The following ATM variants were observed in gnomAD, a reference collection of about 807,000 sequenced individuals.
The protein encoded by ATM is serine-protein kinase ATM.
ATM carries 308 observed loss-of-function variants against 387.0 expected under a neutral mutation model. The ratio of observed to expected loss-of-function variants is 0.80; its 90% CI spans 0.73 to 0.87. The LOEUF (loss-of-function observed/expected upper bound fraction) is 0.87. Ranked by LOEUF, ATM falls within the 40% of genes least tolerant of loss-of-function variation. ATM has a pLI of 0.00. For synonymous variants in ATM, 1,156 were observed against 1,187.3 expected (o/e 0.97, Z 0.54); for missense variants, 3,312 against 3,560.9 (o/e 0.93, Z 1.78).
intron 59 of ATM, among the ~76,000 whole-genome samples, chr11:108,351,638 C>T (rs562303555): frequency 2.0e-5 from 3 of 152,264 alleles, no homozygotes; most frequent in Non-Finnish European, 2.9e-5. Context: ...TCTCTGTCCA[C>T]AATAGTGTCC....
At chr11:108,314,500 T>C (rs1187190570) in intron 40 of ATM, among the ~76,000 whole-genome samples, 1 of 152,098 alleles carries the variant, frequency 6.6e-6, no homozygotes, top group Non-Finnish European at 1.5e-5. Context: ...CGGTACTTAT[T>C]TCTTATCTAA....
chr11:108,260,976 C>T (rs1255386703), intron 16 of ATM, among the ~76,000 whole-genome samples: 14 of 152,292 alleles, frequency 9.2e-5, no homozygotes, highest in South Asian at 4.1e-4. Context: ...GCACCTGGCT[C>T]GGAGGGTCCT....
intron 47 of ATM, 34 bp from the exon 48 acceptor site, chr11:108,327,611 C>A (rs771460194): frequency 6.6e-7 from 1 of 1,516,448 alleles, no homozygotes; most frequent in South Asian, 1.1e-5. Flanking sequence ...CATGGTAATG[C>A]ATTATATTTT....
In ATM at chr11:108,294,968, T is replaced by C. The variant is rs772074468; in HGVS notation, c.4818T>C (p.Leu1606=). The change falls in exon 32 of 63, where the codon CTT becomes CTC. Residue 1606 remains leucine, a synonymous_variant. Coordinates refer to ENST00000675843, the MANE Select transcript of ATM (RefSeq NM_000051.4). ...HFLSVSVYDA[L]PLTRLEGLKD... is the part of the protein sequence containing the mutation. ...TCTCAGTAAGTGTTTATGATGCACT[T>C]CCATTGACAAGACTTGAAGGACTAA... is the stretch of plus-strand genomic sequence containing the variant. 1.2e-6 allele frequency: 2 copies of C among 1,613,896 alleles called. No individual in the cohort carries two copies. Among genetic ancestry groups the C allele is most frequent in the Non-Finnish European group, 1.7e-6 (2 of 1,179,872 alleles).
At chr11:108,354,440 A>T (rs1276236854) in intron 60 of ATM, among the ~76,000 whole-genome samples, 1 of 152,202 alleles carries the variant, frequency 6.6e-6, no homozygotes, top group Admixed American at 6.5e-5. Flanking sequence ...AAAGCTTTGC[A>T]GTTCCTTGTA....
rs876660869 is a variant in ATM at position 108,272,532 on chromosome 11, G to T, written c.3078G>T (p.Trp1026Cys). 6.2e-7 allele frequency: 1 copy of T among 1,608,986 alleles called. No homozygotes were observed. Among genetic ancestry groups the T allele is most frequent in the East Asian group, 2.2e-5 (1 of 44,766 alleles). The change falls in exon 21 of 63, where the codon TGG (tryptophan) becomes TGT (cysteine). Residue 1026 changes from tryptophan to cysteine, a missense_variant and splice_region_variant. By Grantham distance (215) the Trp-to-Cys change is radical. Coordinates refer to ENST00000675843, the MANE Select transcript of ATM (RefSeq NM_000051.4). ...CTTTGGAAAACTTACTTGATTTCAG[G>T]CATCTAACAAAGGAGAGGAAATATA... Reference protein sequence around the residue: ...GQFLTVIGAFWHLTKERKYIF... With the variant: ...GQFLTVIGAFCHLTKERKYIF...
chr11:108,243,915 T>TA (rs1565369037), intron 5 of ATM, 38 bp from the exon 6 acceptor site: 1 of 1,498,284 alleles, frequency 6.7e-7, no homozygotes. Context: ...TTTTGATTTT[T>TA]AAAAAATCAT....
chr11:108,240,819 A>G (rs895564854), intron 5 of ATM, among the ~76,000 whole-genome samples: 3 of 152,202 alleles, frequency 2.0e-5, no homozygotes, highest in African/African-American at 7.2e-5. Flanking sequence ...ATTCTGTACC[A>G]AATTTAAAAA....
In ATM at chr11:108,252,902, G is replaced by A. The variant is rs148191382; in HGVS notation, c.1888G>A (p.Val630Met). Residue 630 changes from valine (V) to methionine (M), a missense_variant, in exon 12 of 63, where the codon GTG (valine) becomes ATG (methionine). Coordinates refer to ENST00000675843, the MANE Select transcript of ATM (RefSeq NM_000051.4). The stretch of plus-strand genomic sequence containing the variant: ...AGCTGCAATGAATTTTTTCCAAAGC[G>A]TGCCAGAATGGTATGTTATCTAATA... ...CKAAMNFFQS[V>M]PECEHHQKDK... 73 of 1,609,322 alleles carry A rather than the reference G, an allele frequency of 4.5e-5. 1 individual carries two copies. Among genetic ancestry groups the A allele is most frequent in the Admixed American group, 4.0e-4 (24 of 59,932 alleles).
At chr11:108,224,067 T>C (rs774709834) in intron 1 of ATM, 5 of 152,244 alleles carry the variant, frequency 3.3e-5, no homozygotes, top group Non-Finnish European at 5.9e-5. Flanking sequence ...GTTAATATGA[T>C]CATTGCTAAC....
chr11:108,241,110 G>A (rs1027322624), intron 5 of ATM, among the ~76,000 whole-genome samples: 1 of 152,076 alleles, frequency 6.6e-6, no homozygotes, highest in Non-Finnish European at 1.5e-5. Context: ...ATGAGCTTAG[G>A]CCTACATAAG....
chr11:108,279,710 GT>G, intron 23 of ATM, 102 bp downstream of exon 23: 1 of 934,806 alleles, frequency 1.1e-6, no homozygotes, highest in Non-Finnish European at 1.7e-6. Context: ...TAATCCAGTA[GT>G]TTACAGTATA....
chr11:108,336,641 A>C (rs2030872507), intron 56 of ATM, among the ~76,000 whole-genome samples: 1 of 152,232 alleles, frequency 6.6e-6, no homozygotes, highest in Non-Finnish European at 1.5e-5. Context: ...TTGAACATAC[A>C]AATTTCATAC....
At chr11:108,256,549 G>T (rs2080503272) in intron 14 of ATM, among the ~76,000 whole-genome samples, 1 of 151,828 alleles carries the variant, frequency 6.6e-6, no homozygotes, top group African/African-American at 2.4e-5. Context: ...TTAAGTTCTG[G>T]GGTACATGAT....
chr11:108,341,836 G>A (rs941292669), intron 56 of ATM, among the ~76,000 whole-genome samples: 1 of 152,190 alleles, frequency 6.6e-6, no homozygotes, highest in Non-Finnish European at 1.5e-5. Context: ...ACAATATTAA[G>A]TATTGCGAAA....
At chr11:108,257,713 G>A (rs2080596064) in intron 15 of ATM, 107 bp downstream of exon 15, 2 of 1,138,984 alleles carry the variant, frequency 1.8e-6, no homozygotes, top group Admixed American at 1.9e-5. Flanking sequence ...TTGACCTCCT[G>A]GTTTCCAGCA....
intron 10 of ATM, 61 bp downstream of exon 10, chr11:108,251,133 C>G: frequency 6.2e-7 from 1 of 1,600,712 alleles, no homozygotes; most frequent in Admixed American, 1.7e-5. Context: ...CACACACACT[C>G]ACATATCCCT....
At position 108,358,197 on chromosome 11, in the gene ATM, G is replaced by C. The variant is rs1002530239; in HGVS notation, c.8850+3323G>C. 8.4e-4 allele frequency among the ~76,000 whole-genome samples: 127 copies of C among 151,470 alleles called. 1 individual carries two copies. Among genetic ancestry groups the C allele is most frequent in the African/African-American group, 2.6e-3 (105 of 41,122 alleles). On this transcript the variant is annotated intron_variant, in intron 61 of 62. Transcript: ENST00000675843. Reference sequence around the variant, plus strand: ...ATCAACTGGAAGAAAGGGTATCAGCGATGGAAGATGAAATGAATGAAATGA... The same window carrying C: ...ATCAACTGGAAGAAAGGGTATCAGCCATGGAAGATGAAATGAATGAAATGA...
chr11:108,335,782 T>A, intron 55 of ATM, 63 bp from the exon 56 acceptor site: 1 of 1,349,352 alleles, frequency 7.4e-7, no homozygotes, highest in Non-Finnish European at 1.1e-6. Context: ...TATTCTCAGA[T>A]GACTCTGTGT....
Sources: allele counts gnomAD v4.1 joint callset (sites outside exome capture counted in the v4.1 genomes callset), GRCh38; gene constraint gnomAD v4.1.1; transcripts MANE v1.5; gene names NCBI Gene and HGNC (gene_info 2026-07-23, HGNC 2026-07-21).